TPRG1: variants seen among roughly 807,000 people sequenced by gnomAD.
TPRG1 encodes the protein tumor protein p63 regulated 1.
A neutral mutation model predicts 29.3 loss-of-function variants in TPRG1; 29 were observed. The ratio of observed to expected loss-of-function variants is 0.99; its 90% CI spans 0.74 to 1.35. TPRG1 has a LOEUF of 1.35. Ranked by LOEUF, TPRG1 falls within the 40% of genes most tolerant of loss-of-function variation. The pLI is 0.00. For synonymous variants in TPRG1, 130 were observed against 116.8 expected, an observed-to-expected ratio of 1.11 and a Z score of -0.73; for missense variants, 327 against 335.0, an observed-to-expected ratio of 0.98 and a Z score of 0.19.
At chr3:189,200,016 A>T (rs1006426397) in intron 1 of TPRG1, among the ~76,000 whole-genome samples, 2 of 152,328 alleles carry the variant, frequency 1.3e-5, no homozygotes, top group Admixed American at 1.3e-4. Flanking sequence ...CAAGAAAGTG[A>T]CCTACCCAGG....
At chr3:189,208,523 A>T (rs1734761716) in intron 2 of TPRG1, among the ~76,000 whole-genome samples, 1 of 152,160 alleles carries the variant, frequency 6.6e-6, no homozygotes, top group Non-Finnish European at 1.5e-5. Context: ...GGTTGCTTTC[A>T]AAAGATATCT....
intron 4 of TPRG1, among the ~76,000 whole-genome samples, chr3:189,025,170 T>C (rs1578207286): frequency 6.6e-6 from 1 of 152,286 alleles, no homozygotes; most frequent in Non-Finnish European, 1.5e-5. Flanking sequence ...GCACCGGTTC[T>C]TCCTAGACTC....
At chr3:189,139,377 G>A (rs1217929184) in intron 3 of TPRG1, among the ~76,000 whole-genome samples, 2 of 152,102 alleles carry the variant, frequency 1.3e-5, no homozygotes, top group African/African-American at 4.8e-5. Context: ...AGGATCCTAG[G>A]GAAGCTCTCC....
intron 4 of TPRG1, among the ~76,000 whole-genome samples, chr3:189,242,456 C>G (rs1740765819): frequency 6.6e-6 from 1 of 151,950 alleles, no homozygotes; most frequent in Non-Finnish European, 1.5e-5. Context: ...GTTCTTCATT[C>G]CTAAGGTAAA....
chr3:189,023,383 G>C (rs1373218846), intron 3 of TPRG1, among the ~76,000 whole-genome samples: 1 of 152,136 alleles, frequency 6.6e-6, no homozygotes, highest in African/African-American at 2.4e-5. Flanking sequence ...GGCTGTTTTT[G>C]CTGTCAGCTT....
At chr3:189,072,685 T>C (rs774689584) in intron 4 of TPRG1, among the ~76,000 whole-genome samples, 19 of 152,170 alleles carry the variant, frequency 1.2e-4, no homozygotes, top group Non-Finnish European at 2.4e-4. Context: ...TTGCAAGTAT[T>C]TTTTATAAAA....
intron 5 of TPRG1, among the ~76,000 whole-genome samples, chr3:189,157,744 T>A (rs1726885678): frequency 6.6e-6 from 1 of 152,012 alleles, no homozygotes; most frequent in African/African-American, 2.4e-5. Flanking sequence ...GATGACAAAT[T>A]TGTGGTATGA....
chr3:189,117,363 AGTT>A (rs1473185360), intron 1 of TPRG1, among the ~76,000 whole-genome samples: 2 of 152,232 alleles, frequency 1.3e-5, no homozygotes, highest in African/African-American at 4.8e-5. Flanking sequence ...GTTACTCAGT[AGTT>A]AAAATTCTCA....
At chr3:189,293,488 G>A (rs1215283210) in intron 4 of TPRG1, among the ~76,000 whole-genome samples, 2 of 152,072 alleles carry the variant, frequency 1.3e-5, no homozygotes, top group Non-Finnish European at 2.9e-5. Context: ...GGAGCAAAAG[G>A]TGCCAAGGAT....
At chr3:189,285,952 C>T (rs1717985932) in intron 4 of TPRG1, among the ~76,000 whole-genome samples, 1 of 150,712 alleles carries the variant, frequency 6.6e-6, no homozygotes, top group Non-Finnish European at 1.5e-5. Context: ...ATGTTGTCTC[C>T]TGCATGTTAG....
chr3:189,032,200 C>T (rs183989253), intron 4 of TPRG1, among the ~76,000 whole-genome samples: 4 of 152,156 alleles, frequency 2.6e-5, no homozygotes, highest in Admixed American at 6.5e-5. Flanking sequence ...AGGGAGGAGG[C>T]GCAGAGTCAG....
upstream of TPRG1, among the ~76,000 whole-genome samples, chr3:189,096,931 T>TA (rs1474588267): frequency 3.3e-5 from 5 of 152,194 alleles, no homozygotes; most frequent in African/African-American, 9.6e-5. Flanking sequence ...CATCAAAACT[T>TA]AACAACTGGG....
At chr3:189,161,021 C>T (rs1041528450) in intron 5 of TPRG1, among the ~76,000 whole-genome samples, 16 of 152,214 alleles carry the variant, frequency 1.1e-4, no homozygotes, top group African/African-American at 3.6e-4. Context: ...GGCCTGGACA[C>T]AGAACTTCAT....
At chr3:189,278,390 G>T (rs1716523271) in intron 4 of TPRG1, among the ~76,000 whole-genome samples, 1 of 152,130 alleles carries the variant, frequency 6.6e-6, no homozygotes, top group Admixed American at 6.6e-5. Flanking sequence ...TTCTAACCCA[G>T]TTCCAAGTGC....
chr3:189,189,216 T>C (rs193173228), intron 1 of TPRG1, among the ~76,000 whole-genome samples: 13 of 152,276 alleles, frequency 8.5e-5, no homozygotes, highest in African/African-American at 2.4e-4. Context: ...TTGTAAATGT[T>C]TTTTTATACA....
intron 4 of TPRG1, among the ~76,000 whole-genome samples, chr3:189,269,178 C>T (rs576238663): frequency 4.7e-4 from 71 of 151,236 alleles, no homozygotes; most frequent in African/African-American, 1.6e-3. Flanking sequence ...AAAACATAAG[C>T]AGAAAAGACT....
intron 3 of TPRG1, among the ~76,000 whole-genome samples, chr3:189,138,479 C>T (rs1374483912): frequency 1.3e-5 from 2 of 152,192 alleles, no homozygotes; most frequent in Non-Finnish European, 2.9e-5. Flanking sequence ...GGGAGTTATG[C>T]TCCAGGCAGT....
chr3:189,001,329 C>T (rs556133403), intron 2 of TPRG1, among the ~76,000 whole-genome samples: 8 of 152,254 alleles, frequency 5.3e-5, no homozygotes, highest in African/African-American at 9.6e-5. Flanking sequence ...CTAGTCTGTT[C>T]GAGCTGCTAA....
At chr3:189,204,117 TG>T (rs1343096481) in intron 1 of TPRG1, among the ~76,000 whole-genome samples, 1 of 151,984 alleles carries the variant, frequency 6.6e-6, no homozygotes, top group African/African-American at 2.4e-5. Flanking sequence ...TATGAAATTG[TG>T]CTGCCTTTAC....
Sources: gnomAD v4.1 joint callset for allele counts (sites outside exome capture counted in the v4.1 genomes callset) on GRCh38, gnomAD v4.1.1 for gene constraint, MANE v1.5 for transcripts, NCBI Gene and HGNC (gene_info 2026-07-23, HGNC 2026-07-21) for gene names.